The following EBF1 variants were observed in gnomAD, a reference collection of about 807,000 sequenced individuals.
EBF1 encodes the protein transcription factor COE1.
EBF1 carries 10 observed loss-of-function variants against 68.4 expected under a neutral mutation model. The observed-to-expected ratio is 0.15, with a 90% confidence interval of 0.09 to 0.25. The LOEUF is 0.25. Ranked by LOEUF, EBF1 falls within the 10% of genes least tolerant of loss-of-function variation. The pLI is 1.00. For synonymous variants in EBF1, 298 were observed against 299.8 expected (o/e 0.99, Z 0.06); for missense variants, 509 against 794.4 (o/e 0.64, Z 4.32).
At chr5:158,976,970 T>C (rs1395707692) in intron 6 of EBF1, among the ~76,000 whole-genome samples, 1 of 152,224 alleles carries the variant, frequency 6.6e-6, no homozygotes, top group African/African-American at 2.4e-5. Flanking sequence ...GTTCTTCTAC[T>C]GCTCCTGGGG....
intron 11 of EBF1, among the ~76,000 whole-genome samples, chr5:158,716,849 A>C (rs1263408118): frequency 6.6e-6 from 1 of 152,214 alleles, no homozygotes; most frequent in Non-Finnish European, 1.5e-5. Context: ...CATGACGAGC[A>C]GGTCAGGAAA....
At chr5:159,011,709 T>C (rs1764704641) in intron 6 of EBF1, among the ~76,000 whole-genome samples, 1 of 152,196 alleles carries the variant, frequency 6.6e-6, no homozygotes, top group Non-Finnish European at 1.5e-5. Flanking sequence ...TGCGTTTGTT[T>C]ACTGACATTT....
intron 10 of EBF1, among the ~76,000 whole-genome samples, chr5:158,740,361 A>G (rs1766074302): frequency 6.6e-6 from 1 of 152,222 alleles, no homozygotes; most frequent in Admixed American, 6.5e-5. Context: ...GAGACAACTC[A>G]GAAAATGACT....
At chr5:158,978,865 A>G (rs1316294073) in intron 6 of EBF1, among the ~76,000 whole-genome samples, 1 of 151,718 alleles carries the variant, frequency 6.6e-6, no homozygotes, top group Non-Finnish European at 1.5e-5. Context: ...CTCTTTTGGG[A>G]AAGAACAAGC....
rs562155547 is a variant in EBF1 at position 158,891,313 on chromosome 5, T to C, written c.555-51203A>G. ...GCAGTGGTCTCTGAGCAACGAAAAT[T>C]GATTTCAGTGGGAACTGTGTCCCTG... On this transcript the variant is annotated intron_variant, in intron 6 of 15. Coordinates refer to ENST00000313708, the MANE Select transcript of EBF1 (RefSeq NM_024007.5). Among the ~76,000 whole-genome samples, 40 of 152,204 alleles carry C rather than the reference T, an allele frequency of 2.6e-4. 1 individual carries two copies. Among genetic ancestry groups the C allele is most frequent in the Non-Finnish European group, 5.1e-4 (35 of 68,030 alleles).
At chr5:158,909,263 T>C (rs993700704) in intron 6 of EBF1, among the ~76,000 whole-genome samples, 2 of 152,192 alleles carry the variant, frequency 1.3e-5, no homozygotes, top group African/African-American at 4.8e-5. Context: ...AGGATGGTGG[T>C]GCTGGTGGTT....
chr5:159,089,613 T>A (rs1781271131), intron 4 of EBF1, among the ~76,000 whole-genome samples: 1 of 152,168 alleles, frequency 6.6e-6, no homozygotes, highest in Admixed American at 6.5e-5. Context: ...TAGTTTTAAC[T>A]CTTTGTGTTC....
chr5:158,727,410 T>C (rs989721270), intron 11 of EBF1, among the ~76,000 whole-genome samples: 1 of 152,172 alleles, frequency 6.6e-6, no homozygotes, highest in African/African-American at 2.4e-5. Context: ...ACTGCGGCCA[T>C]CAGCATCTCA....
At chr5:159,029,573 CA>C (rs1171056797) in intron 6 of EBF1, among the ~76,000 whole-genome samples, 1 of 152,144 alleles carries the variant, frequency 6.6e-6, no homozygotes, top group Non-Finnish European at 1.5e-5. Context: ...TGTAGAAATT[CA>C]GATTCTGTTT....
intron 6 of EBF1, among the ~76,000 whole-genome samples, chr5:158,857,118 C>T (rs934695080): frequency 6.6e-6 from 1 of 152,036 alleles, no homozygotes; most frequent in African/African-American, 2.4e-5. Flanking sequence ...GATGTGAAGA[C>T]CAACTGTGTT....
intron 6 of EBF1, among the ~76,000 whole-genome samples, chr5:158,990,587 A>T (rs1760116639): frequency 6.6e-6 from 1 of 152,214 alleles, no homozygotes. Flanking sequence ...ATGTGATTCC[A>T]TACAGAACTG....
intron 11 of EBF1, among the ~76,000 whole-genome samples, chr5:158,727,435 C>T (rs756630301): frequency 8.5e-5 from 13 of 152,190 alleles, no homozygotes; most frequent in Non-Finnish European, 1.5e-4. Flanking sequence ...TTCTGATCGA[C>T]CATGTTCCCC....
At chr5:158,902,915 G>T (rs1803758420) in intron 6 of EBF1, among the ~76,000 whole-genome samples, 1 of 152,186 alleles carries the variant, frequency 6.6e-6, no homozygotes, top group Non-Finnish European at 1.5e-5. Context: ...GACTTTGCTG[G>T]GTAGAGCCAA....
chr5:158,875,833 C>T (rs1233433794), intron 6 of EBF1, among the ~76,000 whole-genome samples: 1 of 152,220 alleles, frequency 6.6e-6, no homozygotes, highest in Non-Finnish European at 1.5e-5. Flanking sequence ...TTACACAAAA[C>T]ACCATTGTTT....
chr5:158,891,904 A>ATATC (rs1554184166), intron 6 of EBF1, among the ~76,000 whole-genome samples: 4 of 152,020 alleles, frequency 2.6e-5, no homozygotes, highest in Admixed American at 2.6e-4. Flanking sequence ...TTTTTAAAAA[A>ATATC]TATTTATTTA....
At chr5:158,914,623 G>T (rs894254691) in intron 6 of EBF1, among the ~76,000 whole-genome samples, 1 of 152,108 alleles carries the variant, frequency 6.6e-6, no homozygotes, top group Non-Finnish European at 1.5e-5. Context: ...AGGAGGGGGG[G>T]AAATGCCCAG....
At chr5:159,064,520 A>T (rs1776417091) in intron 6 of EBF1, among the ~76,000 whole-genome samples, 1 of 152,134 alleles carries the variant, frequency 6.6e-6, no homozygotes, top group Non-Finnish European at 1.5e-5. Flanking sequence ...GAGATGGTAT[A>T]CCCCGACGTG....
rs4704956 is a variant in EBF1, at chr5:158,759,220, G to T, written c.1036+18193C>A. On this transcript the variant is annotated intron_variant, in intron 10 of 15. Transcript: ENST00000313708. The stretch of plus-strand genomic sequence containing the variant: ...TTTGCAGTTTATTGAAAGCTATTTT[G>T]GGAGTTAGTCTTGATAGTTAGATGT... 5.8e-4 allele frequency among the ~76,000 whole-genome samples: 88 copies of T among 152,230 alleles called. 1 individual carries two copies. Among genetic ancestry groups the T allele is most frequent in the African/African-American group, 2.0e-3 (85 of 41,546 alleles).
chr5:159,043,462 A>C (rs367567814), intron 6 of EBF1, among the ~76,000 whole-genome samples: 1 of 152,194 alleles, frequency 6.6e-6, no homozygotes, highest in Non-Finnish European at 1.5e-5. Flanking sequence ...TAGACTGTAA[A>C]GTCTATGCAA....
Sources: allele counts gnomAD v4.1 joint callset (sites outside exome capture counted in the v4.1 genomes callset), GRCh38; gene constraint gnomAD v4.1.1; transcripts MANE v1.5; gene names NCBI Gene and HGNC (gene_info 2026-07-23, HGNC 2026-07-21).